The following FNDC3B variants were observed in gnomAD, a reference collection of about 807,000 sequenced individuals.
FNDC3B encodes the protein fibronectin type III domain-containing protein 3B.
A neutral mutation model predicts 151.5 loss-of-function variants in FNDC3B; 12 were observed. That is an observed-to-expected ratio of 0.08 (90% CI 0.05 to 0.13). FNDC3B has a LOEUF of 0.13. Ranked by LOEUF, FNDC3B falls within the 10% of genes least tolerant of loss-of-function variation. The probability of loss-of-function intolerance (pLI) is 1.00; values close to 1 mark genes in which losing one functional copy is unlikely to be tolerated. For synonymous variants in FNDC3B, 528 were observed against 549.0 expected, an observed-to-expected ratio of 0.96 and a Z score of 0.54; for missense variants, 1,214 against 1,505.3, an observed-to-expected ratio of 0.81 and a Z score of 3.20.
chr3:172,126,676 A>G (rs1429253754), intron 2 of FNDC3B, among the ~76,000 whole-genome samples: 1 of 152,190 alleles, frequency 6.6e-6, no homozygotes, highest in Non-Finnish European at 1.5e-5. Flanking sequence ...GCTTAAAAGT[A>G]TATAAAAAGG....
intron 14 of FNDC3B, among the ~76,000 whole-genome samples, chr3:172,334,093 C>G (rs1403944882): frequency 2.6e-5 from 4 of 152,200 alleles, no homozygotes; most frequent in Admixed American, 2.6e-4. Context: ...ACATTCTTCT[C>G]TAAGTCAGGG....
At chr3:172,340,565 C>T (rs965973769) in intron 16 of FNDC3B, among the ~76,000 whole-genome samples, 1 of 152,140 alleles carries the variant, frequency 6.6e-6, no homozygotes, top group Admixed American at 6.5e-5. Context: ...GGATTACAGG[C>T]GTGAGCCACC....
At chr3:172,316,992 C>T (rs567983598) in intron 11 of FNDC3B, among the ~76,000 whole-genome samples, 2 of 152,246 alleles carry the variant, frequency 1.3e-5, no homozygotes, top group South Asian at 2.1e-4. Flanking sequence ...CAAGACAGCG[C>T]AAGCGTGAGA....
intron 6 of FNDC3B, among the ~76,000 whole-genome samples, chr3:172,279,695 G>A (rs779170741): frequency 6.6e-5 from 10 of 152,106 alleles, no homozygotes; most frequent in East Asian, 1.9e-4. Flanking sequence ...TTTATTCTTC[G>A]TGTTGTGATT....
At chr3:172,236,861 C>T (rs1405518153) in intron 4 of FNDC3B, among the ~76,000 whole-genome samples, 1 of 152,106 alleles carries the variant, frequency 6.6e-6, no homozygotes, top group Non-Finnish European at 1.5e-5. Flanking sequence ...AGAGAGGTAC[C>T]ACAGAGATCT....
intron 22 of FNDC3B, among the ~76,000 whole-genome samples, chr3:172,353,373 T>G (rs1733947867): frequency 6.6e-6 from 1 of 152,190 alleles, no homozygotes; most frequent in African/African-American, 2.4e-5. Flanking sequence ...TCAGAAATTA[T>G]AAAAGGGCTT....
intron 2 of FNDC3B, among the ~76,000 whole-genome samples, chr3:172,131,630 C>G (rs537776383): frequency 9.2e-5 from 14 of 151,978 alleles, no homozygotes; most frequent in Non-Finnish European, 2.1e-4. Flanking sequence ...CCTGAATGAT[C>G]CTGTTTTTTC....
chr3:172,281,569 G>A (rs957128348), intron 6 of FNDC3B, among the ~76,000 whole-genome samples: 1 of 152,204 alleles, frequency 6.6e-6, no homozygotes, highest in African/African-American at 2.4e-5. Flanking sequence ...GAAATATAGG[G>A]TTTGCTTACA....
chr3:172,347,918 T>C lies in FNDC3B; in HGVS notation c.2514+557T>C, dbSNP rs1576934707. Among the ~76,000 whole-genome samples the C allele has an allele frequency of 3.9e-5, 6 of 152,364 alleles. No homozygotes were observed. The South Asian group carries it at 1.2e-3, about 32-fold the overall frequency. On this transcript the variant is annotated intron_variant, in intron 21 of 25. Coordinates refer to ENST00000415807, the MANE Select transcript of FNDC3B (RefSeq NM_022763.4). ...AATAACATCAAGAAAAATTGGTTCA[T>C]AGCCTAACCCCTCAGAGTGACAATA...
chr3:172,064,222 C>A (rs988620244), intron 1 of FNDC3B, among the ~76,000 whole-genome samples: 1 of 152,116 alleles, frequency 6.6e-6, no homozygotes, highest in African/African-American at 2.4e-5. Context: ...CAAGAAGGCA[C>A]CATCTGTGAA....
intron 3 of FNDC3B, among the ~76,000 whole-genome samples, chr3:172,223,794 T>A (rs936106584): frequency 8.5e-5 from 13 of 152,258 alleles, no homozygotes; most frequent in Admixed American, 2.0e-4. Flanking sequence ...CAAAAAAAAA[T>A]TTAAAAAGCA....
chr3:172,179,722 A>G (rs1723785285), intron 3 of FNDC3B, among the ~76,000 whole-genome samples: 1 of 151,994 alleles, frequency 6.6e-6, no homozygotes, highest in East Asian at 1.9e-4. Context: ...TCTCTACAAA[A>G]AATACAAAAA....
At chr3:172,147,248 A>G (rs1198116034) in intron 3 of FNDC3B, among the ~76,000 whole-genome samples, 1 of 151,348 alleles carries the variant, frequency 6.6e-6, no homozygotes, top group Non-Finnish European at 1.5e-5. Flanking sequence ...TGGAGGTTGC[A>G]GTGAGCTGAG....
chr3:172,276,574 A>G (rs1729443471), intron 6 of FNDC3B, among the ~76,000 whole-genome samples: 1 of 152,192 alleles, frequency 6.6e-6, no homozygotes, highest in African/African-American at 2.4e-5. Flanking sequence ...GTCAGGTAAA[A>G]GGGCATAATG....
rs200836762 is a variant in FNDC3B at position 172,394,327 on chromosome 3, CA to C, written c.3304-2834del. Among the ~76,000 whole-genome samples, 33 of 151,572 alleles carry C rather than the reference CA, an allele frequency of 2.2e-4. No homozygotes were observed. The East Asian group carries it at 6.0e-3, about 28-fold the overall frequency. Reference sequence around the variant, plus strand: ...ATTGAAGGAGACTAGAAAAACAGTACAAAGATCAACAAAACTAAGAGTTGTT... The same window carrying C: ...ATTGAAGGAGACTAGAAAAACAGTACAAGATCAACAAAACTAAGAGTTGTT... On this transcript the variant is annotated intron_variant, in intron 25 of 25. Transcript: ENST00000415807.
chr3:172,296,944 A>T (rs543483347), intron 8 of FNDC3B, among the ~76,000 whole-genome samples: 3 of 152,208 alleles, frequency 2.0e-5, no homozygotes, highest in South Asian at 4.1e-4. Flanking sequence ...ACAACTGTGG[A>T]TAGAGTCTTT....
chr3:172,190,060 C>A (rs1035654111), intron 3 of FNDC3B, among the ~76,000 whole-genome samples: 6 of 152,160 alleles, frequency 3.9e-5, no homozygotes, highest in African/African-American at 1.4e-4. Context: ...GGAATTCTAA[C>A]CCAGGCGGCC....
At chr3:172,134,436 A>G (rs187739696) in intron 3 of FNDC3B, 7 of 514,940 alleles carry the variant, frequency 1.4e-5, no homozygotes, top group East Asian at 5.5e-5. Context: ...ATGGCATGCA[A>G]TTGAGATCAG....
intron 3 of FNDC3B, among the ~76,000 whole-genome samples, chr3:172,144,379 A>C (rs1359096466): frequency 6.6e-6 from 1 of 152,234 alleles, no homozygotes; most frequent in Non-Finnish European, 1.5e-5. Flanking sequence ...GATCCAAATC[A>C]TATCATTTAC....
Sources: gnomAD v4.1 joint callset for allele counts (sites outside exome capture counted in the v4.1 genomes callset) on GRCh38, gnomAD v4.1.1 for gene constraint, MANE v1.5 for transcripts, NCBI Gene and HGNC (gene_info 2026-07-23, HGNC 2026-07-21) for gene names.